ENOX2: variants seen among roughly 807,000 people sequenced by gnomAD.
ENOX2 encodes APK1 antigen.
A neutral mutation model predicts 45.0 loss-of-function variants in ENOX2; 36 were observed. The ratio of observed to expected loss-of-function variants is 0.80; its 90% CI spans 0.61 to 1.06. ENOX2 has a LOEUF of 1.06. Among genes scored for constraint, ENOX2 ranks in the 50% least tolerant of loss-of-function variants. ENOX2 has a pLI of 0.00. For synonymous variants in ENOX2, 174 were observed against 152.3 expected (o/e 1.14, Z -1.05); for missense variants, 423 against 462.5 (o/e 0.91, Z 0.78).
intron 4 of ENOX2, among the ~76,000 whole-genome samples, chrX:130,691,937 C>T (rs990396151): frequency 5.3e-5 from 6 of 113,019 alleles, no homozygotes; most frequent in East Asian, 2.8e-4. Context: ...TCTGCTGTTT[C>T]GTATAATTAC....
intron 3 of ENOX2, among the ~76,000 whole-genome samples, chrX:130,725,585 C>A (rs1270093399): frequency 9.1e-6 from 1 of 109,944 alleles, no homozygotes; most frequent in African/African-American, 3.3e-5. Flanking sequence ...TCCACACCTG[C>A]ACATGTCTAT....
chrX:130,709,169 G>T, intron 3 of ENOX2: 1 of 904,241 alleles, frequency 1.1e-6, no homozygotes, highest in Non-Finnish European at 1.6e-6. Context: ...CTAGCTCAAA[G>T]TAGGTGCCAA....
rs138831611 is a variant in ENOX2, at chrX:130,882,933, C to T, written c.-183+18751G>A. ...TTCTTGCTACTTAGTAATTGTGTGA[C>T]GTGGTAGGCTGGATACTTAAACTCT... On this transcript the variant is annotated intron_variant, in intron 2 of 14. Transcript: ENST00000394363. Among the ~76,000 whole-genome samples the T allele has an allele frequency of 1.8e-3, 200 of 111,761 alleles. 1 individual carries two copies. The highest frequency in any genetic ancestry group is 6.0e-3 in the African/African-American group (185 of 30,734).
At chrX:130,853,674 G>A (rs1244630029) in intron 2 of ENOX2, among the ~76,000 whole-genome samples, 2 of 109,912 alleles carry the variant, frequency 1.8e-5, no homozygotes, top group African/African-American at 6.6e-5. Context: ...ACCAACCTAC[G>A]GGGGTGGTGT....
At chrX:130,806,733 A>T (rs1382027514) in intron 2 of ENOX2, among the ~76,000 whole-genome samples, 2 of 112,355 alleles carry the variant, frequency 1.8e-5, no homozygotes, top group African/African-American at 6.5e-5. Flanking sequence ...AAAACTATCA[A>T]CACCAAATAG....
rs765791472 is a variant in ENOX2, at chrX:130,690,530, A to C, written c.98-1512T>G. ...CTGCAAAGAAAGAAAGTGGACTGCAAAGAAAGAAAGTACTGCAGCCTGAGG... is the reference window on the plus strand; with the variant it reads ...CTGCAAAGAAAGAAAGTGGACTGCACAGAAAGAAAGTACTGCAGCCTGAGG... On this transcript the variant is annotated intron_variant, in intron 4 of 14. Coordinates refer to ENST00000394363, the MANE Select transcript of ENOX2 (RefSeq NM_006375.4). Among the ~76,000 whole-genome samples the C allele has an allele frequency of 3.6e-5, 4 of 112,567 alleles. No individual in the cohort carries two copies. In the East Asian group the frequency reaches 1.1e-3, roughly 31 times the overall value.
At position 130,693,714 on chromosome X, in the gene ENOX2, T is replaced by C. The variant is rs184731228; in HGVS notation, c.98-4696A>G. Among the ~76,000 whole-genome samples, 20 of 112,663 alleles carry C rather than the reference T, an allele frequency of 1.8e-4. No homozygotes were observed. The East Asian group carries it at 5.6e-3, about 31-fold the overall frequency. On this transcript the variant is annotated intron_variant, in intron 4 of 14. Coordinates refer to ENST00000394363, the MANE Select transcript of ENOX2 (RefSeq NM_006375.4). ...AAGTTGGATATAAATTCTTTGATTC[T>C]CCTTCCATCAAGGTAAGGGTCTATG...
intron 3 of ENOX2, among the ~76,000 whole-genome samples, chrX:130,746,557 A>G (rs747329234): frequency 2.3e-4 from 26 of 111,616 alleles, no homozygotes; most frequent in Non-Finnish European, 4.7e-4. Flanking sequence ...CTGCTTTTTA[A>G]ATATCACTGC....
chrX:130,767,260 C>T (rs1270245107), intron 3 of ENOX2, among the ~76,000 whole-genome samples: 1 of 111,568 alleles, frequency 9.0e-6, no homozygotes, highest in East Asian at 2.8e-4. Context: ...GCCCCACTCA[C>T]TAGAATGCTA....
At chrX:130,752,536 C>G (rs987420866) in intron 3 of ENOX2, among the ~76,000 whole-genome samples, 1 of 110,756 alleles carries the variant, frequency 9.0e-6, no homozygotes, top group Admixed American at 9.6e-5. Context: ...CTCTCAATCA[C>G]TGTCTCAGTG....
At chrX:130,867,634 G>A (rs1375347791) in intron 2 of ENOX2, among the ~76,000 whole-genome samples, 2 of 111,704 alleles carry the variant, frequency 1.8e-5, no homozygotes, top group Non-Finnish European at 3.8e-5. Context: ...ATTAGCATTG[G>A]TAAACTCTCA....
At chrX:130,797,982 C>T (rs1393493496) in intron 2 of ENOX2, among the ~76,000 whole-genome samples, 1 of 110,367 alleles carries the variant, frequency 9.1e-6, no homozygotes, top group African/African-American at 3.3e-5. Context: ...GTGTCTTATC[C>T]CTGGCTACAT....
intron 2 of ENOX2, among the ~76,000 whole-genome samples, chrX:130,845,728 G>C (rs1603368345): frequency 1.8e-5 from 2 of 112,358 alleles, no homozygotes; most frequent in Admixed American, 9.4e-5. Context: ...GCCTCCCAAA[G>C]TGCTGGGATT....
intron 2 of ENOX2, among the ~76,000 whole-genome samples, chrX:130,891,689 C>A (rs1432140740): frequency 1.8e-5 from 2 of 108,571 alleles, no homozygotes; most frequent in Admixed American, 1.0e-4. Context: ...GCTTACAGTA[C>A]TTGACTGGTA....
chrX:130,687,528 T>C (rs763754561), intron 5 of ENOX2, among the ~76,000 whole-genome samples: 1 of 112,426 alleles, frequency 8.9e-6, no homozygotes, highest in East Asian at 2.8e-4. Context: ...AAGAGACAGA[T>C]AAAATGGTGC....
intron 6 of ENOX2, among the ~76,000 whole-genome samples, chrX:130,676,247 C>T (rs1246977178): frequency 9.0e-6 from 1 of 111,716 alleles, no homozygotes; most frequent in East Asian, 2.8e-4. Context: ...GTGCCAGCTC[C>T]CAAAGGTGCT....
intron 6 of ENOX2, among the ~76,000 whole-genome samples, chrX:130,673,539 C>T (rs28642941): frequency 0.013 from 1,366 of 107,345 alleles, 22 homozygotes; most frequent in African/African-American, 0.044. Flanking sequence ...AAAATACAGT[C>T]GGAAGCTTTA....
chrX:130,896,021 C>CT (rs891632600), intron 2 of ENOX2, among the ~76,000 whole-genome samples: 2 of 112,280 alleles, frequency 1.8e-5, no homozygotes, highest in African/African-American at 6.5e-5. Context: ...ATGCTGATTT[C>CT]TTTTTTTAAA....
chrX:130,900,998 G>C (rs777137457), intron 2 of ENOX2, among the ~76,000 whole-genome samples: 1 of 112,387 alleles, frequency 8.9e-6, no homozygotes, highest in African/African-American at 3.2e-5. Flanking sequence ...GGTCCAAATA[G>C]CTTAGAGGTA....
Sources: allele counts gnomAD v4.1 joint callset (sites outside exome capture counted in the v4.1 genomes callset), GRCh38; gene constraint gnomAD v4.1.1; transcripts MANE v1.5; gene names NCBI Gene and HGNC (gene_info 2026-07-23, HGNC 2026-07-21).